FRMPD4: variants seen among roughly 807,000 people sequenced by gnomAD.
FRMPD4 encodes the protein FERM and PDZ domain containing 4.
Under a neutral mutation model 94.1 loss-of-function variants are expected in FRMPD4, and 22 were observed. That is an observed-to-expected ratio of 0.23 (90% CI 0.17 to 0.33). The LOEUF (loss-of-function observed/expected upper bound fraction) is 0.33, where lower values mean the gene tolerates loss of function less well. FRMPD4 is among the 10% of genes least tolerant of loss of function. The pLI, the probability that FRMPD4 is intolerant of heterozygous loss-of-function variation, is 1.00. For synonymous variants in FRMPD4, 631 were observed against 548.6 expected (o/e 1.15, Z -2.10); for missense variants, 1,111 against 1,339.9 (o/e 0.83, Z 2.67).
At chrX:12,634,201 C>T (rs182436937) in intron 4 of FRMPD4, among the ~76,000 whole-genome samples, 20 of 112,257 alleles carry the variant, frequency 1.8e-4, no homozygotes, top group African/African-American at 6.1e-4. Context: ...AAGAAATTAT[C>T]ACCGTTAAAC....
intron 1 of FRMPD4, among the ~76,000 whole-genome samples, chrX:12,245,813 C>T (rs192894832): frequency 9.0e-6 from 1 of 111,044 alleles, no homozygotes; most frequent in Admixed American, 9.6e-5. Context: ...TGCTCCTTTG[C>T]CCTTCTGCCT....
At chrX:11,998,438 G>A (rs2054507902) in intron 3 of FRMPD4, among the ~76,000 whole-genome samples, 1 of 111,483 alleles carries the variant, frequency 9.0e-6, no homozygotes, top group South Asian at 3.8e-4. Flanking sequence ...TGAGAGATAG[G>A]AAAATGAAGA....
intron 1 of FRMPD4, among the ~76,000 whole-genome samples, chrX:12,458,453 C>T (rs997371822): frequency 1.8e-5 from 2 of 111,581 alleles, no homozygotes; most frequent in Admixed American, 1.9e-4. Context: ...TGGCTCAGAA[C>T]GGCCATGATG....
intron 1 of FRMPD4, chrX:12,375,165 G>A (rs1270567790): frequency 9.8e-5 from 11 of 112,773 alleles, no homozygotes; most frequent in Non-Finnish European, 2.1e-4. Flanking sequence ...TGTAAAGCAG[G>A]ATGGTTGGCT....
At chrX:12,275,157 G>T (rs1464598327) in intron 1 of FRMPD4, among the ~76,000 whole-genome samples, 4 of 111,717 alleles carry the variant, frequency 3.6e-5, no homozygotes. Flanking sequence ...GATCATGGGG[G>T]TGAATCCCTC....
At chrX:12,256,419 G>A (rs1224579552) in intron 1 of FRMPD4, among the ~76,000 whole-genome samples, 1 of 112,110 alleles carries the variant, frequency 8.9e-6, no homozygotes, top group Non-Finnish European at 1.9e-5. Context: ...AGGTCTATGA[G>A]CCAATAATCA....
At chrX:12,677,442 G>C (rs2059910492) in intron 5 of FRMPD4, among the ~76,000 whole-genome samples, 1 of 105,299 alleles carries the variant, frequency 9.5e-6, no homozygotes, top group African/African-American at 3.5e-5. Flanking sequence ...TTATATTTTT[G>C]GGTTTGGATT....
chrX:12,047,806 C>G (rs746875009), intron 3 of FRMPD4, among the ~76,000 whole-genome samples: 2 of 112,462 alleles, frequency 1.8e-5, no homozygotes, highest in South Asian at 7.4e-4. Context: ...GCTGTCCATG[C>G]TGCTGCAAAG....
chrX:11,904,579 G>A (rs140745759), intron 3 of FRMPD4, among the ~76,000 whole-genome samples: 170 of 111,965 alleles, frequency 1.5e-3, no homozygotes, highest in Non-Finnish European at 2.5e-3. Flanking sequence ...TTGAGTTTCC[G>A]GTCTTGTTCC....
intron 4 of FRMPD4, among the ~76,000 whole-genome samples, chrX:12,621,994 G>GAAAGAAAGAA (rs1773371199): frequency 2.4e-5 from 1 of 42,359 alleles, no homozygotes; most frequent in East Asian, 6.1e-4. Context: ...AAGAAAGAAA[G>GAAAGAAAGAA]AAAGAAAGAA....
intron 1 of FRMPD4, among the ~76,000 whole-genome samples, chrX:12,288,897 C>G (rs903783413): frequency 5.4e-5 from 6 of 112,098 alleles, no homozygotes; most frequent in African/African-American, 1.9e-4. Context: ...ATTTGGCTAA[C>G]TCTGAATCTT....
intron 4 of FRMPD4, among the ~76,000 whole-genome samples, chrX:12,624,688 T>C (rs2059328960): frequency 8.9e-6 from 1 of 111,757 alleles, no homozygotes; most frequent in Admixed American, 9.5e-5. Flanking sequence ...AATAGTTAGT[T>C]TGACAATACT....
chrX:12,060,266 G>GT (rs1248634737), intron 3 of FRMPD4, among the ~76,000 whole-genome samples: 3 of 96,596 alleles, frequency 3.1e-5, no homozygotes, highest in African/African-American at 1.3e-4. Context: ...ACTAGGAACT[G>GT]GTTTTTTTTT....
intron 3 of FRMPD4, among the ~76,000 whole-genome samples, chrX:11,915,456 C>T (rs770080179): frequency 8.9e-6 from 1 of 112,574 alleles, no homozygotes; most frequent in African/African-American, 3.2e-5. Context: ...GTCTAACAAA[C>T]ATCTAAACTG....
At chrX:12,011,594 C>T (rs1473242559) in intron 3 of FRMPD4, among the ~76,000 whole-genome samples, 1 of 111,729 alleles carries the variant, frequency 9.0e-6, no homozygotes, top group Non-Finnish European at 1.9e-5. Context: ...CTGGCTTAGA[C>T]TCCCAGGGCT....
At chrX:12,102,632 G>A (rs1246278094) in intron 3 of FRMPD4, among the ~76,000 whole-genome samples, 1 of 111,434 alleles carries the variant, frequency 9.0e-6, no homozygotes, top group Non-Finnish European at 1.9e-5. Flanking sequence ...TGTGCTCCAT[G>A]TAAGTAGGAA....
chrX:12,022,515 C>G (rs192872816), intron 3 of FRMPD4, among the ~76,000 whole-genome samples: 1 of 112,091 alleles, frequency 8.9e-6, no homozygotes, highest in Non-Finnish European at 1.9e-5. Context: ...CATGTTAAAT[C>G]AGCATGAAGC....
chrX:12,331,968 T>TA (rs2055415141), intron 1 of FRMPD4, among the ~76,000 whole-genome samples: 1 of 55,886 alleles, frequency 1.8e-5, no homozygotes, highest in African/African-American at 9.7e-5. Flanking sequence ...TATATATAAA[T>TA]TATATATATT....
In FRMPD4 at chrX:11,851,738, A is replaced by G. The variant is rs752928952; in HGVS notation, c.-160-13348A>G. Reference sequence around the variant, plus strand: ...ATCTTCCTCAAAAAAAGCAGCCTACATTTCTTTCTATAAGGTTTCTAAGAC... The same window carrying G: ...ATCTTCCTCAAAAAAAGCAGCCTACGTTTCTTTCTATAAGGTTTCTAAGAC... On this transcript the variant is annotated intron_variant, in intron 1 of 18. Coordinates refer to the FRMPD4 transcript ENST00000640291. Among the ~76,000 whole-genome samples, 3 of 111,556 alleles carry G rather than the reference A, an allele frequency of 2.7e-5. No homozygotes were observed. The South Asian group carries it at 1.1e-3, about 42-fold the overall frequency.
Sources: allele counts gnomAD v4.1 joint callset (sites outside exome capture counted in the v4.1 genomes callset), GRCh38; gene constraint gnomAD v4.1.1; transcripts MANE v1.5; gene names NCBI Gene and HGNC (gene_info 2026-07-23, HGNC 2026-07-21).